Variants in CDH12 observed in about 807,000 individuals in gnomAD.
CDH12 encodes the protein cadherin-12.
CDH12 carries 41 observed loss-of-function variants against 74.1 expected under a neutral mutation model. That is an observed-to-expected ratio of 0.55 (90% CI 0.43 to 0.72). The LOEUF (loss-of-function observed/expected upper bound fraction) is 0.72, where lower values mean the gene tolerates loss of function less well. Among genes scored for constraint, CDH12 ranks in the 30% least tolerant of loss-of-function variants. The pLI, the probability that CDH12 is intolerant of heterozygous loss-of-function variation, is 0.00. For synonymous variants in CDH12, 399 were observed against 355.0 expected (o/e 1.12, Z -1.39); for missense variants, 945 against 977.2 (o/e 0.97, Z 0.44).
intron 3 of CDH12, among the ~76,000 whole-genome samples, chr5:22,338,810 G>A (rs1275780413): frequency 4.6e-5 from 7 of 152,206 alleles, no homozygotes; most frequent in African/African-American, 1.2e-4. Flanking sequence ...GCAGAATGGA[G>A]ATGGAAATTA....
intron 6 of CDH12, among the ~76,000 whole-genome samples, chr5:21,917,125 T>C (rs1754133724): frequency 6.6e-6 from 1 of 152,132 alleles, no homozygotes; most frequent in Non-Finnish European, 1.5e-5. Flanking sequence ...AGTACTGAAC[T>C]CTCTGAACTT....
chr5:22,222,623 T>C (rs183824957), intron 3 of CDH12, among the ~76,000 whole-genome samples: 1 of 151,966 alleles, frequency 6.6e-6, no homozygotes, highest in Admixed American at 6.6e-5. Context: ...TCATATATTA[T>C]TAATAAACAT....
intron 6 of CDH12, among the ~76,000 whole-genome samples, chr5:21,956,308 A>G (rs989831301): frequency 1.3e-5 from 2 of 152,050 alleles, no homozygotes; most frequent in African/African-American, 4.8e-5. Context: ...ACAAAAAGAA[A>G]TGAGTAATTT....
chr5:21,817,185 T>G, intron 8 of CDH12, 53 bp from the exon 9 acceptor site: 1 of 1,245,350 alleles, frequency 8.0e-7, no homozygotes, highest in Non-Finnish European at 1.1e-6. Context: ...AGAGATATAG[T>G]AAGATTACAA....
intron 1 of CDH12, among the ~76,000 whole-genome samples, chr5:22,687,718 G>A (rs1026294821): frequency 2.0e-5 from 3 of 152,106 alleles, no homozygotes; most frequent in African/African-American, 7.2e-5. Flanking sequence ...CCTGGCTCAT[G>A]CTCCACACAT....
intron 3 of CDH12, among the ~76,000 whole-genome samples, chr5:22,283,472 C>T (rs1422061715): frequency 6.6e-6 from 1 of 151,568 alleles, no homozygotes; most frequent in African/African-American, 2.4e-5. Context: ...GTTGCAACAA[C>T]ATGGATGAAT....
chr5:21,887,184 C>A (rs1387156250), intron 6 of CDH12, among the ~76,000 whole-genome samples: 1 of 152,156 alleles, frequency 6.6e-6, no homozygotes, highest in Non-Finnish European at 1.5e-5. Flanking sequence ...TCTCTCTCCA[C>A]TTTAGAATAT....
chr5:22,254,505 T>C (rs1293610660), intron 3 of CDH12, among the ~76,000 whole-genome samples: 1 of 151,760 alleles, frequency 6.6e-6, no homozygotes, highest in Non-Finnish European at 1.5e-5. Flanking sequence ...TGTACCTTAT[T>C]TCAAAGTGTA....
chr5:21,897,952 A>C (rs1019619328), intron 6 of CDH12, among the ~76,000 whole-genome samples: 13 of 151,882 alleles, frequency 8.6e-5, no homozygotes, highest in African/African-American at 3.2e-4. Flanking sequence ...ATGCCATTTA[A>C]TGTTCTGATA....
At chr5:22,163,089 G>A (rs1199278726) in intron 4 of CDH12, among the ~76,000 whole-genome samples, 1 of 151,730 alleles carries the variant, frequency 6.6e-6, no homozygotes, top group Non-Finnish European at 1.5e-5. Flanking sequence ...GTAGAGACGG[G>A]GTTTCACCAT....
At chr5:22,677,603 A>G (rs888691107) in intron 1 of CDH12, among the ~76,000 whole-genome samples, 3 of 152,094 alleles carry the variant, frequency 2.0e-5, no homozygotes, top group Non-Finnish European at 2.9e-5. Flanking sequence ...GACGAGACAC[A>G]AACATTCAGA....
At chr5:22,367,177 G>C (rs985909351) in intron 3 of CDH12, among the ~76,000 whole-genome samples, 1 of 151,892 alleles carries the variant, frequency 6.6e-6, no homozygotes, top group East Asian at 1.9e-4. Context: ...TTTATCCTCT[G>C]AAAGGCATCT....
At chr5:22,184,545 A>G (rs999474242) in intron 4 of CDH12, among the ~76,000 whole-genome samples, 1 of 152,190 alleles carries the variant, frequency 6.6e-6, no homozygotes, top group Non-Finnish European at 1.5e-5. Flanking sequence ...TAGTGGCCCA[A>G]AGCAAATGAA....
intron 4 of CDH12, among the ~76,000 whole-genome samples, chr5:22,181,812 CTCTT>C (rs1749661365): frequency 1.3e-5 from 2 of 152,140 alleles, no homozygotes; most frequent in Admixed American, 1.3e-4. Flanking sequence ...CTCTCTCTCT[CTCTT>C]TGATTCCTCT....
intron 3 of CDH12, among the ~76,000 whole-genome samples, chr5:22,373,793 T>C (rs1040298753): frequency 5.9e-5 from 9 of 152,172 alleles, no homozygotes; most frequent in African/African-American, 2.2e-4. Context: ...AAAACAATCC[T>C]TCCCTATGAA....
chr5:22,437,966 C>A (rs967726226), intron 2 of CDH12, among the ~76,000 whole-genome samples: 20 of 151,900 alleles, frequency 1.3e-4, no homozygotes, highest in African/African-American at 3.6e-4. Context: ...TTCAATAGAG[C>A]CTTGTTTGGG....
chr5:22,255,911 C>T (rs966120623), intron 3 of CDH12, among the ~76,000 whole-genome samples: 1 of 151,766 alleles, frequency 6.6e-6, no homozygotes, highest in African/African-American at 2.4e-5. Flanking sequence ...AATAGGTAAC[C>T]GAGTTGTTTC....
intron 4 of CDH12, among the ~76,000 whole-genome samples, chr5:22,081,276 T>TA (rs1163178916): frequency 6.6e-6 from 1 of 152,196 alleles, no homozygotes; most frequent in Non-Finnish European, 1.5e-5. Context: ...ACGTTTGCGG[T>TA]AAAAATACGT....
chr5:22,076,307 T>G (rs1017419799), intron 5 of CDH12, among the ~76,000 whole-genome samples: 2 of 152,154 alleles, frequency 1.3e-5, no homozygotes, highest in African/African-American at 4.8e-5. Flanking sequence ...TTTCAGAGTA[T>G]CAAGCAAAAA....
Sources: allele counts gnomAD v4.1 joint callset (sites outside exome capture counted in the v4.1 genomes callset), GRCh38; gene constraint gnomAD v4.1.1; transcripts MANE v1.5; gene names NCBI Gene and HGNC (gene_info 2026-07-23, HGNC 2026-07-21).